HECW1: variants seen among roughly 807,000 people sequenced by gnomAD.
HECW1 encodes the protein E3 ubiquitin-protein ligase HECW1.
Under a neutral mutation model 182.3 loss-of-function variants are expected in HECW1, and 61 were observed. The ratio of observed to expected loss-of-function variants is 0.33; its 90% CI spans 0.27 to 0.41. The LOEUF is 0.41. Among genes scored for constraint, HECW1 ranks in the 10% least tolerant of loss-of-function variants. HECW1 has a pLI of 1.00. For missense variants in HECW1, 1,739 were observed against 2,108.9 expected, an observed-to-expected ratio of 0.82 and a Z score of 3.44; for synonymous variants, 859 against 832.6, an observed-to-expected ratio of 1.03 and a Z score of -0.55.
At chr7:43,339,758 G>T (rs1812729900) in intron 5 of HECW1, among the ~76,000 whole-genome samples, 2 of 152,106 alleles carry the variant, frequency 1.3e-5, no homozygotes, top group African/African-American at 4.8e-5. Flanking sequence ...GCTCCGCGGG[G>T]TGCAGTCCAA....
In HECW1 at chr7:43,445,384, G is replaced by A. The variant is rs1354837449; in HGVS notation, c.2212G>A (p.Asp738Asn). 10 of 1,613,590 alleles carry A rather than the reference G, an allele frequency of 6.2e-6. No individual in the cohort carries two copies. The highest frequency in any genetic ancestry group is 2.7e-5 in the African/African-American group (2 of 74,946). The change falls in exon 11 of 30, where the codon GAC (aspartate) becomes AAC (asparagine). Residue 738 changes from aspartate (D) to asparagine (N), a missense_variant. Asp to Asn is a conservative substitution (Grantham distance 23, BLOSUM62 1). Around this residue, in one of 5 missense-constraint regions of HECW1, gnomAD observed 971 missense variants for 1,029.1 expected, o/e 0.94. Transcript: ENST00000395891. Reference protein sequence around the residue: ...SESTVFSSQDDEEEENSAFES... With the variant: ...SESTVFSSQDNEEEENSAFES... ...GAGCACGGTCTTCTCCTCGCAAGACGACGAGGAGGAGGAGAACAGCGCGTT... is the reference window on the plus strand; with the variant it reads ...GAGCACGGTCTTCTCCTCGCAAGACAACGAGGAGGAGGAGAACAGCGCGTT...
intron 5 of HECW1, among the ~76,000 whole-genome samples, chr7:43,327,660 T>C (rs1341577032): frequency 6.6e-6 from 1 of 152,148 alleles, no homozygotes; most frequent in African/African-American, 2.4e-5. Flanking sequence ...CCAAAAGAAT[T>C]AATCTTGCTA....
chr7:43,394,768 G>A (rs2075167788), intron 6 of HECW1, among the ~76,000 whole-genome samples: 1 of 152,164 alleles, frequency 6.6e-6, no homozygotes, highest in Non-Finnish European at 1.5e-5. Context: ...TCAAGACAGG[G>A]GAATTGCAAT....
chr7:43,151,965 A>G (rs370708913), intron 2 of HECW1, among the ~76,000 whole-genome samples: 3 of 152,174 alleles, frequency 2.0e-5, no homozygotes, highest in East Asian at 1.9e-4. Flanking sequence ...TTTCATGAGT[A>G]AAGACATAAA....
chr7:43,371,330 T>A (rs1378168033), intron 6 of HECW1, among the ~76,000 whole-genome samples: 1 of 152,152 alleles, frequency 6.6e-6, no homozygotes, highest in East Asian at 1.9e-4. Context: ...GGTAGGCTCA[T>A]CAAGTGTGAC....
intron 19 of HECW1, among the ~76,000 whole-genome samples, chr7:43,493,549 C>G (rs2079013308): frequency 6.6e-6 from 1 of 152,152 alleles, no homozygotes; most frequent in African/African-American, 2.4e-5. Flanking sequence ...AAATATTGAG[C>G]AGCCGTGTTC....
chr7:43,523,478 G>A (rs1244685463), intron 24 of HECW1, among the ~76,000 whole-genome samples: 1 of 152,156 alleles, frequency 6.6e-6, no homozygotes, highest in East Asian at 1.9e-4. Flanking sequence ...AGAGCCCAGA[G>A]GAGGCAGGGA....
intron 5 of HECW1, among the ~76,000 whole-genome samples, chr7:43,327,782 C>G (rs888472199): frequency 7.2e-5 from 11 of 152,156 alleles, no homozygotes; most frequent in African/African-American, 2.6e-4. Context: ...AATTTTGTCC[C>G]TTTGAGGTTA....
chr7:43,237,227 C>T (rs1397449766), intron 2 of HECW1, among the ~76,000 whole-genome samples: 1 of 152,054 alleles, frequency 6.6e-6, no homozygotes, highest in East Asian at 1.9e-4. Flanking sequence ...GCTGGGGCTT[C>T]AGAGGTTCTG....
chr7:43,285,541 G>T (rs770532803), intron 3 of HECW1, among the ~76,000 whole-genome samples: 9 of 152,158 alleles, frequency 5.9e-5, no homozygotes, highest in South Asian at 4.1e-4. Flanking sequence ...AACCTACAGT[G>T]GTCCACACCT....
intron 2 of HECW1, among the ~76,000 whole-genome samples, chr7:43,192,981 T>C (rs377260893): frequency 6.6e-6 from 1 of 152,344 alleles, no homozygotes; most frequent in African/African-American, 2.4e-5. Flanking sequence ...GCTGTTTTTA[T>C]GGCTATTTCT....
intron 10 of HECW1, 35 bp downstream of exon 10, chr7:43,442,664 G>T: frequency 7.2e-7 from 1 of 1,388,988 alleles, no homozygotes; most frequent in South Asian, 1.2e-5. Flanking sequence ...CTTGTCCTAG[G>T]CTAGTGTCAT....
chr7:43,177,912 C>T (rs1467873030), intron 2 of HECW1, among the ~76,000 whole-genome samples: 1 of 152,186 alleles, frequency 6.6e-6, no homozygotes, highest in Non-Finnish European at 1.5e-5. Context: ...ACTGGTAACA[C>T]ATTATTTTCA....
At chr7:43,265,788 A>G (rs566917181) in intron 3 of HECW1, among the ~76,000 whole-genome samples, 1 of 152,198 alleles carries the variant, frequency 6.6e-6, no homozygotes, top group African/African-American at 2.4e-5. Context: ...CAGGATTCCC[A>G]TGCTTTTGCC....
intron 24 of HECW1, among the ~76,000 whole-genome samples, chr7:43,532,566 C>T (rs2081034660): frequency 6.6e-6 from 1 of 152,124 alleles, no homozygotes; most frequent in Non-Finnish European, 1.5e-5. Flanking sequence ...CTCTGGAGTC[C>T]ACCCCCACTG....
rs138914026 is a variant in HECW1 at position 43,232,973 on chromosome 7, T to G, written c.-31-10902T>G. Among the ~76,000 whole-genome samples the G allele has an allele frequency of 2.6e-4, 40 of 152,304 alleles. No individual in the cohort carries two copies. In the East Asian group the frequency reaches 6.9e-3, roughly 26 times the overall value. ...TAATATTCTGATTACTGTGTTTAGT[T>G]GTAGAGACCCAGTTTTCAGAGTTGT... On this transcript the variant is annotated intron_variant, in intron 2 of 29. Coordinates refer to ENST00000395891, the MANE Select transcript of HECW1 (RefSeq NM_015052.5).
intron 19 of HECW1, among the ~76,000 whole-genome samples, chr7:43,494,001 A>C (rs2079027240): frequency 6.6e-6 from 1 of 152,172 alleles, no homozygotes; most frequent in Admixed American, 6.5e-5. Flanking sequence ...GCATTTCATT[A>C]TTCCCTGCCC....
intron 2 of HECW1, among the ~76,000 whole-genome samples, chr7:43,125,315 G>C (rs1405400255): frequency 6.6e-6 from 1 of 152,206 alleles, no homozygotes; most frequent in Non-Finnish European, 1.5e-5. Flanking sequence ...AAAAGACCAT[G>C]ATCATGGCTT....
intron 5 of HECW1, among the ~76,000 whole-genome samples, chr7:43,331,833 A>G (rs1056285063): frequency 5.9e-5 from 9 of 152,124 alleles, no homozygotes; most frequent in Non-Finnish European, 4.4e-5. Flanking sequence ...TGAGGTCAGG[A>G]TTATCTGTTG....
Sources: allele counts gnomAD v4.1 joint callset (sites outside exome capture counted in the v4.1 genomes callset), GRCh38; gene constraint gnomAD v4.1.1; regional missense constraint gnomAD v4.1.1; transcripts MANE v1.5; gene names NCBI Gene and HGNC (gene_info 2026-07-23, HGNC 2026-07-21).